Variants in SLC35F1 observed in about 807,000 individuals in gnomAD.
The protein encoded by SLC35F1 is solute carrier family 35 member F1.
A neutral mutation model predicts 48.7 loss-of-function variants in SLC35F1; 14 were observed. The observed-to-expected ratio is 0.29, with a 90% CI of 0.19 to 0.45. SLC35F1 has a LOEUF of 0.45. SLC35F1 is among the 20% of genes least tolerant of loss of function. The probability of loss-of-function intolerance (pLI) is 1.00; values close to 1 mark genes in which losing one functional copy is unlikely to be tolerated. For synonymous variants in SLC35F1, 190 were observed against 202.2 expected (o/e 0.94, Z 0.51); for missense variants, 404 against 500.0 (o/e 0.81, Z 1.83).
chr6:117,935,338 C>A (rs928553144), intron 1 of SLC35F1, among the ~76,000 whole-genome samples: 1 of 152,126 alleles, frequency 6.6e-6, no homozygotes, highest in African/African-American at 2.4e-5. Context: ...AGTAAGTAAG[C>A]AAATACTGAA....
intron 1 of SLC35F1, among the ~76,000 whole-genome samples, chr6:118,079,379 A>G (rs1242895248): frequency 2.0e-5 from 3 of 152,116 alleles, no homozygotes; most frequent in Admixed American, 1.3e-4. Flanking sequence ...ATATTATTAT[A>G]TTGTATGTAT....
At chr6:118,167,046 T>A (rs1423377422) in intron 2 of SLC35F1, among the ~76,000 whole-genome samples, 1 of 152,204 alleles carries the variant, frequency 6.6e-6, no homozygotes, top group Non-Finnish European at 1.5e-5. Flanking sequence ...CACTCGTTCA[T>A]TACTTCATTC....
chr6:118,067,042 T>A (rs1343541358), intron 1 of SLC35F1, among the ~76,000 whole-genome samples: 1 of 152,176 alleles, frequency 6.6e-6, no homozygotes, highest in Non-Finnish European at 1.5e-5. Context: ...GGGCTGCAGC[T>A]GGTGACACAG....
chr6:118,242,134 A>T (rs950152439), intron 3 of SLC35F1, among the ~76,000 whole-genome samples: 3 of 152,238 alleles, frequency 2.0e-5, no homozygotes, highest in Non-Finnish European at 4.4e-5. Context: ...ATTTACTTTT[A>T]GAAGCTGTCA....
chr6:118,038,820 C>G (rs1209785167), intron 1 of SLC35F1, among the ~76,000 whole-genome samples: 1 of 151,940 alleles, frequency 6.6e-6, no homozygotes, highest in Non-Finnish European at 1.5e-5. Context: ...CAAGGTCTTG[C>G]TTTGTTGCCC....
At chr6:118,291,133 T>C (rs957978800) in intron 7 of SLC35F1, among the ~76,000 whole-genome samples, 1 of 152,088 alleles carries the variant, frequency 6.6e-6, no homozygotes, top group Non-Finnish European at 1.5e-5. Context: ...AAGTTACTTT[T>C]ATCATTATGA....
chr6:118,286,337 C>T (rs1170103909), intron 7 of SLC35F1, among the ~76,000 whole-genome samples: 3 of 152,178 alleles, frequency 2.0e-5, no homozygotes, highest in Non-Finnish European at 4.4e-5. Flanking sequence ...AGAGCATCTT[C>T]ATCCAGATGA....
intron 1 of SLC35F1, among the ~76,000 whole-genome samples, chr6:117,962,471 C>G (rs115497371): frequency 0.012 from 1,757 of 152,272 alleles, 30 homozygotes; most frequent in African/African-American, 0.037. Context: ...TCCTTGAACA[C>G]CACCACACAC....
chr6:118,187,458 T>C (rs1774673383), intron 2 of SLC35F1, among the ~76,000 whole-genome samples: 1 of 152,242 alleles, frequency 6.6e-6, no homozygotes, highest in Non-Finnish European at 1.5e-5. Flanking sequence ...GTTGAATTTT[T>C]TCCTGCACTG....
chr6:118,089,902 C>A (rs1040101730), intron 1 of SLC35F1, among the ~76,000 whole-genome samples: 1 of 152,282 alleles, frequency 6.6e-6, no homozygotes, highest in South Asian at 2.1e-4. Context: ...TGCCTTAATT[C>A]TTGACTCAAA....
chr6:118,213,656 G>A (rs1002449107), intron 2 of SLC35F1, among the ~76,000 whole-genome samples: 1 of 152,122 alleles, frequency 6.6e-6, no homozygotes, highest in Non-Finnish European at 1.5e-5. Flanking sequence ...TTTGTATATA[G>A]CATGGATAAC....
intron 1 of SLC35F1, among the ~76,000 whole-genome samples, chr6:118,048,820 A>G (rs1337447419): frequency 1.3e-5 from 2 of 152,216 alleles, no homozygotes; most frequent in East Asian, 1.9e-4. Context: ...TGCCATCCCC[A>G]TCAAGCTACC....
intron 1 of SLC35F1, among the ~76,000 whole-genome samples, chr6:118,127,318 C>T (rs547135987): frequency 3.9e-5 from 6 of 152,168 alleles, no homozygotes; most frequent in African/African-American, 1.4e-4. Flanking sequence ...GCCTTGCATC[C>T]CAGGGATGAA....
intron 1 of SLC35F1, among the ~76,000 whole-genome samples, chr6:118,058,614 G>A (rs760582628): frequency 1.3e-5 from 2 of 152,112 alleles, no homozygotes; most frequent in Non-Finnish European, 2.9e-5. Context: ...TCTCTAGGTA[G>A]CTTGAAATAG....
At chr6:117,995,767 A>G (rs1042975336) in intron 1 of SLC35F1, among the ~76,000 whole-genome samples, 1 of 152,114 alleles carries the variant, frequency 6.6e-6, no homozygotes, top group African/African-American at 2.4e-5. Flanking sequence ...GAAATAAATA[A>G]ATAAAAATTA....
chr6:118,271,939 A>G (rs565430110), intron 4 of SLC35F1, among the ~76,000 whole-genome samples: 27 of 152,342 alleles, frequency 1.8e-4, no homozygotes, highest in African/African-American at 6.5e-4. Flanking sequence ...TAATTTTAAT[A>G]TAAGGAAACT....
At chr6:118,199,728 A>G (rs948457200) in intron 2 of SLC35F1, among the ~76,000 whole-genome samples, 1 of 152,162 alleles carries the variant, frequency 6.6e-6, no homozygotes, top group Non-Finnish European at 1.5e-5. Flanking sequence ...ACCAGACACT[A>G]TTAGTATTTC....
intron 7 of SLC35F1, among the ~76,000 whole-genome samples, chr6:118,290,218 T>C (rs1235180905): frequency 6.6e-6 from 1 of 151,838 alleles, no homozygotes; most frequent in Non-Finnish European, 1.5e-5. Context: ...GTTTTTTTTT[T>C]CAAAATAATT....
intron 1 of SLC35F1, among the ~76,000 whole-genome samples, chr6:118,145,771 G>T (rs186464016): frequency 6.6e-6 from 1 of 152,154 alleles, no homozygotes; most frequent in Admixed American, 6.5e-5. Flanking sequence ...CTGCAGTTTG[G>T]GGGTGTGGGG....
Sources: gnomAD v4.1 joint callset for allele counts (sites outside exome capture counted in the v4.1 genomes callset) on GRCh38, gnomAD v4.1.1 for gene constraint, MANE v1.5 for transcripts, NCBI Gene and HGNC (gene_info 2026-07-23, HGNC 2026-07-21) for gene names.